Variants in GALNT17 observed in about 807,000 individuals in gnomAD.
GALNT17 encodes the protein polypeptide N-acetylgalactosaminyltransferase 17.
Under a neutral mutation model 63.7 loss-of-function variants are expected in GALNT17, and 29 were observed. That is an observed-to-expected ratio of 0.46 (90% CI 0.34 to 0.62). The LOEUF (loss-of-function observed/expected upper bound fraction) is 0.62. Among genes scored for constraint, GALNT17 ranks in the 20% least tolerant of loss-of-function variants. The pLI, the probability that GALNT17 is intolerant of heterozygous loss-of-function variation, is 0.01. For missense variants in GALNT17, 603 were observed against 799.6 expected (o/e 0.75, Z 2.97); for synonymous variants, 305 against 318.3 (o/e 0.96, Z 0.45).
chr7:71,318,886 G>C (rs900150709), intron 1 of GALNT17, among the ~76,000 whole-genome samples: 2 of 152,132 alleles, frequency 1.3e-5, no homozygotes, highest in Non-Finnish European at 2.9e-5. Flanking sequence ...GAGGAGCATA[G>C]AATCCAAGCG....
intron 1 of GALNT17, among the ~76,000 whole-genome samples, chr7:71,297,813 A>T (rs6943983): frequency 0.21 from 31,341 of 152,158 alleles, 3,357 homozygotes; most frequent in East Asian, 0.33. Context: ...AGTATCTTGT[A>T]GAATAAAATA....
intron 1 of GALNT17, among the ~76,000 whole-genome samples, 169 bp downstream of exon 1, chr7:71,133,209 C>T (rs1288681064): frequency 6.6e-6 from 1 of 152,200 alleles, no homozygotes; most frequent in Non-Finnish European, 1.5e-5. Context: ...GCCGGGGCTG[C>T]TGGAAAGAAC....
chr7:71,515,774 G>A (rs1479859151), intron 5 of GALNT17, among the ~76,000 whole-genome samples: 1 of 152,196 alleles, frequency 6.6e-6, no homozygotes, highest in Non-Finnish European at 1.5e-5. Context: ...TGCCAAGGGT[G>A]AGGATGCGCC....
At chr7:71,519,103 T>G (rs974466379) in intron 5 of GALNT17, among the ~76,000 whole-genome samples, 8 of 152,132 alleles carry the variant, frequency 5.3e-5, no homozygotes, top group Admixed American at 1.3e-4. Flanking sequence ...TGAGACCAGG[T>G]ACAAGTCCAG....
chr7:71,594,544 T>C (rs73187118), intron 6 of GALNT17, among the ~76,000 whole-genome samples: 49 of 152,042 alleles, frequency 3.2e-4, no homozygotes, highest in Non-Finnish European at 6.5e-4. Context: ...CCCACCTCAG[T>C]CTCCCGAAGT....
intron 6 of GALNT17, among the ~76,000 whole-genome samples, chr7:71,608,041 CA>C (rs1790071953): frequency 6.6e-6 from 1 of 152,152 alleles, no homozygotes; most frequent in Non-Finnish European, 1.5e-5. Flanking sequence ...CTCAGGGATC[CA>C]ATCTGCATCC....
chr7:71,613,742 C>T (rs1790158606), intron 6 of GALNT17, among the ~76,000 whole-genome samples: 1 of 151,832 alleles, frequency 6.6e-6, no homozygotes, highest in Non-Finnish European at 1.5e-5. Flanking sequence ...TTACTTGAGC[C>T]CAGGAGTTCG....
intron 1 of GALNT17, among the ~76,000 whole-genome samples, chr7:71,320,207 G>T (rs1305710610): frequency 6.6e-6 from 1 of 152,034 alleles, no homozygotes; most frequent in Non-Finnish European, 1.5e-5. Flanking sequence ...GTCTGCATTT[G>T]CTGAACAAAA....
chr7:71,358,566 T>G (rs1583886905), intron 2 of GALNT17, among the ~76,000 whole-genome samples: 2 of 152,282 alleles, frequency 1.3e-5, no homozygotes, highest in East Asian at 3.9e-4. Flanking sequence ...TTTTCCTAGA[T>G]TTTCCTTGCG....
chr7:71,696,275 GCTAGTT>G (rs1370910454), intron 9 of GALNT17, among the ~76,000 whole-genome samples: 3 of 86,950 alleles, frequency 3.5e-5, no homozygotes, highest in Non-Finnish European at 7.7e-5. Flanking sequence ...ACCATGCCCA[GCTAGTT>G]TATTTTATTT....
chr7:71,155,076 A>G (rs2116229035), intron 1 of GALNT17, among the ~76,000 whole-genome samples: 1 of 151,876 alleles, frequency 6.6e-6, no homozygotes, highest in East Asian at 1.9e-4. Flanking sequence ...AGTTTCTGAC[A>G]GTTGTCCTAA....
chr7:71,190,046 T>C (rs1178201439), intron 1 of GALNT17, among the ~76,000 whole-genome samples: 1 of 152,020 alleles, frequency 6.6e-6, no homozygotes, highest in Non-Finnish European at 1.5e-5. Flanking sequence ...CACCTGACCT[T>C]GTGATCTGCC....
intron 1 of GALNT17, among the ~76,000 whole-genome samples, chr7:71,176,992 G>T (rs1199843029): frequency 6.6e-6 from 1 of 152,176 alleles, no homozygotes; most frequent in Non-Finnish European, 1.5e-5. Flanking sequence ...GCTAAGCTGT[G>T]AATGTAGTTA....
At chr7:71,350,660 G>A (rs765633673) in intron 2 of GALNT17, among the ~76,000 whole-genome samples, 5 of 152,092 alleles carry the variant, frequency 3.3e-5, no homozygotes, top group Non-Finnish European at 5.9e-5. Flanking sequence ...TAGGTTATGC[G>A]CAAATACTAT....
chr7:71,220,324 G>A (rs10237940), intron 1 of GALNT17, among the ~76,000 whole-genome samples: 10,835 of 152,280 alleles, frequency 0.071, 517 homozygotes, highest in East Asian at 0.21. Context: ...CCAGTTGGGA[G>A]GTGGGGGAAT....
At chr7:71,348,850 G>A (rs1211417787) in intron 2 of GALNT17, among the ~76,000 whole-genome samples, 8 of 152,106 alleles carry the variant, frequency 5.3e-5, no homozygotes, top group African/African-American at 1.9e-4. Context: ...GTGTTTCTAG[G>A]GGATTATCCT....
intron 5 of GALNT17, among the ~76,000 whole-genome samples, chr7:71,471,266 A>AG (rs1787623143): frequency 6.6e-6 from 1 of 151,762 alleles, no homozygotes; most frequent in Non-Finnish European, 1.5e-5. Flanking sequence ...TCGTAGAGAA[A>AG]GGGTTTCCCC....
intron 1 of GALNT17, among the ~76,000 whole-genome samples, chr7:71,226,822 C>T (rs1007227747): frequency 1.3e-5 from 2 of 151,972 alleles, no homozygotes; most frequent in African/African-American, 4.8e-5. Context: ...GAGCCTTATA[C>T]ATGAATGGAA....
chr7:71,251,578 T>C (rs1413354310), intron 1 of GALNT17, among the ~76,000 whole-genome samples: 3 of 152,000 alleles, frequency 2.0e-5, no homozygotes, highest in Non-Finnish European at 4.4e-5. Flanking sequence ...CCTAGCTAAT[T>C]TAAAAATTTT....
Sources: allele counts gnomAD v4.1 joint callset (sites outside exome capture counted in the v4.1 genomes callset), GRCh38; gene constraint gnomAD v4.1.1; transcripts MANE v1.5; gene names NCBI Gene and HGNC (gene_info 2026-07-23, HGNC 2026-07-21).